Variants in SUGT1 observed in about 807,000 individuals in gnomAD.
SUGT1 encodes SGT1 assembly cochaperone of MIS12 kinetochore complex, also known as protein SGT1 homolog.
A neutral mutation model predicts 56.1 loss-of-function variants in SUGT1; 15 were observed. That is an observed-to-expected ratio of 0.27 (90% CI 0.18 to 0.41). SUGT1 has a LOEUF of 0.41. Ranked by LOEUF, SUGT1 falls within the 10% of genes least tolerant of loss-of-function variation. The pLI is 1.00. For synonymous variants in SUGT1, 123 were observed against 128.6 expected, an observed-to-expected ratio of 0.96 and a Z score of 0.30; for missense variants, 347 against 382.2, an observed-to-expected ratio of 0.91 and a Z score of 0.77.
chr13:52,659,986 G>C (rs1023144210), intron 5 of SUGT1, among the ~76,000 whole-genome samples: 18 of 150,470 alleles, frequency 1.2e-4, no homozygotes, highest in Admixed American at 1.1e-3. Context: ...CCACCACCAC[G>C]CCCGGCCAAT....
At chr13:52,662,945 C>A in intron 6 of SUGT1, 151 bp from the exon 7 acceptor site, 1 of 882,506 alleles carries the variant, frequency 1.1e-6, no homozygotes, top group Non-Finnish European at 1.7e-6. Context: ...AAAATGAATT[C>A]AGGATGCAAA....
chr13:52,666,664 AC>A lies in SUGT1; in HGVS notation c.520-146del, dbSNP rs200128867. The A allele has an allele frequency of 1.9e-3, 1,145 of 601,894 alleles. 11 individuals are homozygous for A. Among genetic ancestry groups the A allele is most frequent in the African/African-American group, 0.018 (973 of 53,082 alleles). The allele number at this position is 601,894 out of a possible 1,614,324, so 37.3% of individuals were successfully genotyped here. On this transcript the variant is annotated intron_variant, in intron 9 of 12. Transcript: ENST00000310528. ...AAAAAAGGTTCTTAAATCTTTGAGAACCTTTTGAGGTTCTTAAATCTAAAAT... is the reference window on the plus strand; with the variant it reads ...AAAAAAGGTTCTTAAATCTTTGAGAACTTTTGAGGTTCTTAAATCTAAAAT...
chr13:52,653,175 G>T, intron 2 of SUGT1, 72 bp downstream of exon 2: 2 of 1,576,966 alleles, frequency 1.3e-6, no homozygotes, highest in Admixed American at 1.8e-5. Context: ...CCGCTGACCC[G>T]CCTTCTCCCC....
At chr13:52,667,176 G>GT (rs573846244) in intron 10 of SUGT1, among the ~76,000 whole-genome samples, 12 of 152,172 alleles carry the variant, frequency 7.9e-5, no homozygotes, top group South Asian at 4.2e-4. Flanking sequence ...CAATAAAGGG[G>GT]TTTTTTTAAA....
chr13:52,668,278 C>G (rs576923796), intron 10 of SUGT1, among the ~76,000 whole-genome samples: 1 of 152,154 alleles, frequency 6.6e-6, no homozygotes, highest in African/African-American at 2.4e-5. Context: ...CTGCACCTGG[C>G]CTATTACTCC....
intron 8 of SUGT1, 30 bp from the exon 9 acceptor site, chr13:52,665,606 GT>G: frequency 6.8e-7 from 1 of 1,479,252 alleles, no homozygotes; most frequent in South Asian, 1.3e-5. Flanking sequence ...AATTAGAAGA[GT>G]TACCTAAGTT....
chr13:52,676,226 C>T lies in SUGT1; in HGVS notation c.628-4C>T. ...TAATGGAGTTTATTTGGTGTTTCCT[C>T]CAGATTGAAATTAAACTGAAAAAGC... On this transcript the variant is annotated splice_region_variant and splice_polypyrimidine_tract_variant and intron_variant, in intron 10 of 12. Coordinates refer to ENST00000310528, the MANE Select transcript of SUGT1 (RefSeq NM_006704.5). The T allele has an allele frequency of 1.2e-6, 2 of 1,607,592 alleles. No homozygotes were observed. The highest frequency in any genetic ancestry group is 1.1e-5 in the South Asian group (1 of 89,516).
At chr13:52,655,455 A>C (rs1383042947) in intron 2 of SUGT1, among the ~76,000 whole-genome samples, 2 of 152,238 alleles carry the variant, frequency 1.3e-5, no homozygotes, top group African/African-American at 4.8e-5. Context: ...CCTACTTTAA[A>C]AGCAGAGTAG....
chr13:52,676,659 G>A (rs867107271), intron 11 of SUGT1, among the ~76,000 whole-genome samples: 2 of 152,042 alleles, frequency 1.3e-5, no homozygotes, highest in Non-Finnish European at 2.9e-5. Context: ...TTTACTCGGC[G>A]GATATATTTC....
At position 52,697,325 on chromosome 13, in the gene SUGT1, T is replaced by G. The variant is rs535988326; in HGVS notation, c.*9490T>G. 2 of 152,484 alleles carry G rather than the reference T, an allele frequency of 1.3e-5. No homozygotes were observed. Among genetic ancestry groups the G allele is most frequent in the South Asian group, 4.1e-4 (2 of 4,830 alleles). The allele number at this position is 152,484 out of a possible 1,614,324, so 9.4% of individuals were successfully genotyped here. A position where few individuals can be genotyped will look rare whatever the true frequency, so the allele number is the denominator to read the frequency against. ...CGGCTGTTTTTTGTTTTGTTTTGTTTTGTGTTTTAATTGAACGGACTGAAG... is the reference window on the plus strand; with the variant it reads ...CGGCTGTTTTTTGTTTTGTTTTGTTGTGTGTTTTAATTGAACGGACTGAAG... On this transcript the variant is annotated 3_prime_UTR_variant, in exon 13 of 13. Coordinates refer to ENST00000310528, the MANE Select transcript of SUGT1 (RefSeq NM_006704.5).
chr13:52,668,939 A>G (rs183625840), intron 10 of SUGT1, among the ~76,000 whole-genome samples: 1 of 152,260 alleles, frequency 6.6e-6, no homozygotes, highest in Admixed American at 6.5e-5. Flanking sequence ...GCCACCTCCT[A>G]TAGTGGAAGA....
intron 12 of SUGT1, among the ~76,000 whole-genome samples, chr13:52,683,814 T>C (rs1594256830): frequency 6.6e-6 from 1 of 152,112 alleles, no homozygotes; most frequent in East Asian, 1.9e-4. Context: ...TGACTTGTGG[T>C]TTGTTTCTGA....
In SUGT1 at chr13:52,676,301, G is replaced by A. The variant is rs535411991; in HGVS notation, c.699G>A (p.Thr233=). 15 of 1,612,226 alleles carry A rather than the reference G, an allele frequency of 9.3e-6. No individual in the cohort carries two copies. The highest frequency in any genetic ancestry group is 6.7e-5 in the Admixed American group (4 of 59,748). The change falls in exon 11 of 13, where the codon ACG becomes ACA. Residue 233 remains threonine (T), a synonymous_variant. Coordinates refer to ENST00000310528, the MANE Select transcript of SUGT1 (RefSeq NM_006704.5). ...EKLEGQGDVP[T]PKQFVADVKN... is the part of the protein sequence containing the mutation. ...TAGAGGGGCAAGGAGATGTGCCTAC[G>A]CCAAAACAATTCGTAGCAGGTTTGT...
At chr13:52,675,049 C>A (rs1027964277) in intron 10 of SUGT1, among the ~76,000 whole-genome samples, 3 of 152,076 alleles carry the variant, frequency 2.0e-5, no homozygotes, top group Non-Finnish European at 4.4e-5. Flanking sequence ...GATGCAGTGT[C>A]CTTTCATACC....
At chr13:52,662,601 TA>T in intron 5 of SUGT1, 47 bp from the exon 6 acceptor site, 1 of 1,592,006 alleles carries the variant, frequency 6.3e-7, no homozygotes. Flanking sequence ...TTTGTTGATT[TA>T]TAGGTTGTGC....
In SUGT1 at chr13:52,691,646, G is replaced by A. The variant is rs1449243433; in HGVS notation, c.*3811G>A. 1 of 152,112 alleles carries A rather than the reference G, an allele frequency of 6.6e-6. No homozygotes were observed. The highest frequency in any genetic ancestry group is 1.5e-5 in the Non-Finnish European group (1 of 68,032). 9.4% of individuals were successfully genotyped at this position (152,112 alleles called of 1,614,324 possible). A position where few individuals can be genotyped will look rare whatever the true frequency, so the allele number is the denominator to read the frequency against. On this transcript the variant is annotated 3_prime_UTR_variant, in exon 13 of 13. Coordinates refer to ENST00000310528, the MANE Select transcript of SUGT1 (RefSeq NM_006704.5). ...TGGTGTGTGTTTTTGTTAGTTACTA[G>A]AGCCACTTACCCTTTGTAACTAGCT...
In SUGT1 at chr13:52,662,679, A is replaced by G. The variant is rs1459714601; in HGVS notation, c.359A>G (p.Lys120Arg). 1.2e-6 allele frequency: 2 copies of G among 1,613,814 alleles called. No homozygotes were observed. Among genetic ancestry groups the G allele is most frequent in the Non-Finnish European group, 1.7e-6 (2 of 1,179,832 alleles). Residue 120 changes from lysine (K) to arginine (R), a missense_variant, in exon 6 of 13, where the codon AAA becomes AGA. Coordinates refer to ENST00000310528, the MANE Select transcript of SUGT1 (RefSeq NM_006704.5). ...GATGCTAATTTCAGTGTCTGGATTA[A>G]AAGGTGTCAAGAAGCTCAGAATGGT... ...SADANFSVWI[K>R]RCQEAQNGSE...
intron 5 of SUGT1, among the ~76,000 whole-genome samples, chr13:52,661,940 G>A (rs985795512): frequency 6.6e-6 from 1 of 152,090 alleles, no homozygotes; most frequent in African/African-American, 2.4e-5. Context: ...CTTATTTAGA[G>A]TACTTTTAAT....
In SUGT1 at chr13:52,697,796, T is replaced by C. The variant is rs9536241; in HGVS notation, c.*9961T>C. The C allele has an allele frequency of 0.96, 145,692 of 152,284 alleles. 69,712 individuals are homozygous for C. Among genetic ancestry groups the C allele is most frequent in the East Asian group, 0.99 (5,130 of 5,174 alleles). The allele number at this position is 152,284 out of a possible 1,614,324, so 9.4% of individuals were successfully genotyped here. ...ACATCCACTCATTCATTTATGCACTTAGCAAATATTCATTGATTGCCAAAT... is the reference window on the plus strand; with the variant it reads ...ACATCCACTCATTCATTTATGCACTCAGCAAATATTCATTGATTGCCAAAT... On this transcript the variant is annotated 3_prime_UTR_variant, in exon 13 of 13. Coordinates refer to ENST00000310528, the MANE Select transcript of SUGT1 (RefSeq NM_006704.5).
Sources: allele counts gnomAD v4.1 joint callset (sites outside exome capture counted in the v4.1 genomes callset), GRCh38; gene constraint gnomAD v4.1.1; transcripts MANE v1.5; gene names NCBI Gene and HGNC (gene_info 2026-07-23, HGNC 2026-07-21).